HDX: variants seen among roughly 807,000 people sequenced by gnomAD.
HDX encodes chromosome X open reading frame 43.
Under a neutral mutation model 45.2 loss-of-function variants are expected in HDX, and 19 were observed. That is an observed-to-expected ratio of 0.42 (90% CI 0.29 to 0.62). The LOEUF (loss-of-function observed/expected upper bound fraction) is 0.62, where lower values mean the gene tolerates loss of function less well. HDX is among the 20% of genes least tolerant of loss of function. The probability of loss-of-function intolerance (pLI) is 0.20; values close to 1 mark genes in which losing one functional copy is unlikely to be tolerated. For missense variants in HDX, 532 were observed against 493.9 expected (o/e 1.08, Z -0.73); for synonymous variants, 188 against 172.8 (o/e 1.09, Z -0.69).
At chrX:84,497,316 C>T (rs2041022987) in intron 1 of HDX, among the ~76,000 whole-genome samples, 1 of 112,098 alleles carries the variant, frequency 8.9e-6, no homozygotes, top group African/African-American at 3.2e-5. Flanking sequence ...CAGATAATTA[C>T]TTTCTTAAAT....
chrX:84,361,649 A>C, intron 5 of HDX, 37 bp from the exon 6 acceptor site: 1 of 1,049,512 alleles, frequency 9.5e-7, no homozygotes, highest in South Asian at 2.5e-5. Flanking sequence ...TGAATTTTAA[A>C]GTTTAGAATA....
chrX:84,387,443 T>C (rs1213092235), intron 5 of HDX, among the ~76,000 whole-genome samples: 1 of 111,662 alleles, frequency 9.0e-6, no homozygotes, highest in East Asian at 2.8e-4. Flanking sequence ...CCTAGTATTA[T>C]TGTGTGATTG....
chrX:84,443,765 G>A (rs749453149), intron 4 of HDX, among the ~76,000 whole-genome samples: 3 of 111,827 alleles, frequency 2.7e-5, no homozygotes, highest in Admixed American at 9.5e-5. Context: ...AAAAAGTTCC[G>A]CCAGCTCCTA....
At chrX:84,482,698 C>G (rs1024318525) in intron 2 of HDX, among the ~76,000 whole-genome samples, 1 of 110,922 alleles carries the variant, frequency 9.0e-6, no homozygotes, top group South Asian at 3.8e-4. Flanking sequence ...CTGGCCCTTC[C>G]CAAATCTCAT....
chrX:84,478,115 T>G (rs941536645), intron 2 of HDX, among the ~76,000 whole-genome samples: 19 of 112,121 alleles, frequency 1.7e-4, no homozygotes, highest in Admixed American at 6.6e-4. Context: ...ATATATGAAC[T>G]CATTTGTGTT....
rs2036701472 is a variant in HDX at position 84,326,054 on chromosome X, C to G, written c.1947+124G>C. 4 of 663,268 alleles carry G rather than the reference C, an allele frequency of 6.0e-6. No homozygotes were observed. In the South Asian group the frequency reaches 1.0e-4, roughly 17 times the overall value. The allele number at this position is 663,268 out of a possible 1,213,427, so 54.7% of individuals were successfully genotyped here. ...ACTGTTTGCAAAGGTCATGAAATAA[C>G]AAATATTTCCTCCATGCCAAGCAGA... On this transcript the variant is annotated intron_variant, in intron 10 of 10. Coordinates refer to ENST00000373177, the MANE Select transcript of HDX (RefSeq NM_001177479.2).
intron 6 of HDX, among the ~76,000 whole-genome samples, chrX:84,356,272 C>G (rs1322433744): frequency 9.0e-6 from 1 of 111,584 alleles, no homozygotes; most frequent in African/African-American, 3.3e-5. Flanking sequence ...GAGTAATTTA[C>G]CATATGTTAC....
chrX:84,494,997 A>G (rs1419995448), intron 1 of HDX, among the ~76,000 whole-genome samples: 1 of 111,659 alleles, frequency 9.0e-6, no homozygotes, highest in African/African-American at 3.3e-5. Context: ...TACAAAATGG[A>G]ATACCATTCA....
chrX:84,481,066 T>C (rs2040666134), intron 2 of HDX, among the ~76,000 whole-genome samples: 1 of 111,632 alleles, frequency 9.0e-6, no homozygotes, highest in Non-Finnish European at 1.9e-5. Flanking sequence ...ATAGTTTGTG[T>C]CTTTCAAGGA....
In HDX at chrX:84,427,267, C is replaced by A. The variant is rs770403418; in HGVS notation, c.1305+13265G>T. ...AGAAGTAGATTCAAATACCTGGGTT[C>A]TCCAATAATTGAATTAGGAATCGCT... On this transcript the variant is annotated intron_variant, in intron 5 of 10. Transcript: ENST00000373177. Among the ~76,000 whole-genome samples, 339 of 110,728 alleles carry A rather than the reference C, an allele frequency of 3.1e-3. 1 individual carries two copies. The highest frequency in any genetic ancestry group is 0.011 in the African/African-American group (335 of 30,692).
Position 84,318,031 on chromosome X carries a change from A to G in HDX, c.*3858T>C, listed in dbSNP as rs1386651118. 9.0e-6 allele frequency: 1 copy of G among 111,243 alleles called. No homozygotes were observed. The allele number at this position is 111,243 out of a possible 1,213,427, so 9.2% of individuals were successfully genotyped here. On this transcript the variant is annotated 3_prime_UTR_variant, in exon 11 of 11. Coordinates refer to ENST00000373177, the MANE Select transcript of HDX (RefSeq NM_001177479.2). ...GGATTGCTAAAATGAATTACTTAACAAGTTAATGCAAAATAAAATTTCAGT... is the reference window on the plus strand; with the variant it reads ...GGATTGCTAAAATGAATTACTTAACGAGTTAATGCAAAATAAAATTTCAGT...
chrX:84,355,891 CAA>C (rs201144512), intron 6 of HDX, among the ~76,000 whole-genome samples: 22 of 87,364 alleles, frequency 2.5e-4, no homozygotes, highest in South Asian at 5.2e-4. Context: ...TGTAGCAGGA[CAA>C]AAAAAAAAAA....
rs1284278464 is a variant in HDX at position 84,344,400 on chromosome X, G to C, written c.1510C>G (p.Pro504Ala). ...GAGAAATCAGCAGGGCCTCCTCTTG[G>C]AGGTGGAACTTCAATCCCCATTAAA... ...YRLMGIEVPP[P>A]RGGPADFSEQ... Residue 504 changes from proline (P) to alanine (A), a missense_variant, in exon 7 of 11, where the codon CCA becomes GCA. This residue lies in a region of HDX where 151 missense variants were observed against 131.8 expected (regional missense o/e 1.15). Coordinates refer to ENST00000373177, the MANE Select transcript of HDX (RefSeq NM_001177479.2). 1 of 1,206,916 alleles carries C rather than the reference G, an allele frequency of 8.3e-7. No individual in the cohort carries two copies. Among genetic ancestry groups the C allele is most frequent in the Non-Finnish European group, 1.1e-6 (1 of 891,761 alleles).
At chrX:84,400,142 C>A (rs929248982) in intron 5 of HDX, among the ~76,000 whole-genome samples, 3 of 109,478 alleles carry the variant, frequency 2.7e-5, no homozygotes, top group Admixed American at 2.0e-4. Context: ...CTTTGAAAAC[C>A]GGTACAGGAC....
At chrX:84,405,588 C>CTTTTTTTTTTTTTTTTT (rs55758874) in intron 5 of HDX, among the ~76,000 whole-genome samples, 1 of 58,209 alleles carries the variant, frequency 1.7e-5, no homozygotes, top group Non-Finnish European at 3.3e-5. Context: ...GGATTTTCTG[C>CTTTTTTTTTTTTTTTTT]TTTTTTTTTT....
chrX:84,463,837 T>G (rs2040288852), intron 4 of HDX, among the ~76,000 whole-genome samples: 1 of 111,015 alleles, frequency 9.0e-6, no homozygotes, highest in African/African-American at 3.3e-5. Context: ...TCATAGTATC[T>G]TGCTATAGTA....
At chrX:84,455,865 A>G (rs1415256044) in intron 4 of HDX, among the ~76,000 whole-genome samples, 3 of 112,430 alleles carry the variant, frequency 2.7e-5, no homozygotes, top group Non-Finnish European at 5.6e-5. Context: ...GCTCCAATAC[A>G]TCTGGCAGAA....
intron 9 of HDX, among the ~76,000 whole-genome samples, chrX:84,328,480 T>C (rs1427414276): frequency 1.8e-5 from 2 of 111,842 alleles, no homozygotes; most frequent in African/African-American, 6.5e-5. Flanking sequence ...ACCATACATC[T>C]GACAAAGGAC....
At chrX:84,431,803 G>A (rs776423195) in intron 5 of HDX, among the ~76,000 whole-genome samples, 102 of 111,215 alleles carry the variant, frequency 9.2e-4, no homozygotes, top group Admixed American at 4.5e-3. Context: ...TTACTCTGTT[G>A]AAAGTTCCTT....
Sources: allele counts gnomAD v4.1 joint callset (sites outside exome capture counted in the v4.1 genomes callset), GRCh38; gene constraint gnomAD v4.1.1; regional missense constraint gnomAD v4.1.1; transcripts MANE v1.5; gene names NCBI Gene and HGNC (gene_info 2026-07-23, HGNC 2026-07-21).